The following CCNL1 variants were observed in gnomAD, a reference collection of about 807,000 sequenced individuals.
The protein encoded by CCNL1 is cyclin L1, also known as cyclin-L1.
A neutral mutation model predicts 60.6 loss-of-function variants in CCNL1; 13 were observed. That is an observed-to-expected ratio of 0.21 (90% CI 0.14 to 0.34). The LOEUF (loss-of-function observed/expected upper bound fraction) is 0.34. Ranked by LOEUF, CCNL1 falls within the 10% of genes least tolerant of loss-of-function variation. CCNL1 has a pLI of 1.00. For synonymous variants in CCNL1, 270 were observed against 244.3 expected (o/e 1.10, Z -0.98); for missense variants, 481 against 664.3 (o/e 0.72, Z 3.03).
Position 157,148,559 on chromosome 3 carries a change from T to C in CCNL1, c.1263A>G (p.Thr421=). 2 of 1,612,486 alleles carry C rather than the reference T, an allele frequency of 1.2e-6. No homozygotes were observed. The highest frequency in any genetic ancestry group is 1.7e-6 in the Non-Finnish European group (2 of 1,179,352). ...ACCTGCTTCTTGATCTCGAGCTGTA[T>C]GTTCCAGATCGACTCCGCCTATTAT... ...HYNNRRSRSG[T]YSSRSRSRSR... Residue 421 remains threonine, a synonymous_variant, in exon 11 of 11, where the codon ACA becomes ACG. Coordinates refer to ENST00000295926, the MANE Select transcript of CCNL1 (RefSeq NM_020307.4).
chr3:157,148,229 A>AG lies in CCNL1; in HGVS notation c.*11dup. On this transcript the variant is annotated 3_prime_UTR_variant, in exon 11 of 11. Transcript: ENST00000295926. ...AAACCAAGAACTGATGCAGGCTCAA[A>AG]GGAAGAGAAAGTCAGCGCCTGTGCC... is the stretch of plus-strand genomic sequence containing the variant. 1 of 1,607,736 alleles carries AG rather than the reference A, an allele frequency of 6.2e-7. No individual in the cohort carries two copies. The highest frequency in any genetic ancestry group is 1.1e-5 in the South Asian group (1 of 90,550).
chr3:157,148,554 C>CT lies in CCNL1; in HGVS notation c.1267dup (p.Ser423LysfsTer13). The CT allele has an allele frequency of 6.2e-7, 1 of 1,613,294 alleles. No individual in the cohort carries two copies. The highest frequency in any genetic ancestry group is 8.5e-7 in the Non-Finnish European group (1 of 1,179,734). The stretch of plus-strand genomic sequence containing the variant: ...GCGGGACCTGCTTCTTGATCTCGAG[C>CT]TGTATGTTCCAGATCGACTCCGCCT... On this transcript the variant is annotated frameshift_variant, in exon 11 of 11. Transcript: ENST00000295926. LOFTEE classifies it high-confidence loss of function.
At position 157,159,413 on chromosome 3, in the gene CCNL1, T is replaced by C. The variant is rs144436389; in HGVS notation, c.370A>G (p.Ser124Gly). The change falls in exon 2 of 11, where the codon AGT becomes GGT. Residue 124 changes from serine to glycine, a missense_variant. By Grantham distance (56) the Ser-to-Gly change is moderately conservative (BLOSUM62 0). Transcript: ENST00000295926. ...GCCTCCGCTGTGCTTACCTCGAAAC[T>C]GTGTTTGACGAAAGATTTGGAGTAG... is the stretch of plus-strand genomic sequence containing the variant. The part of the protein sequence containing the change: ...FFYSKSFVKH[S>G]FEIVAMACIN... 11 of 1,613,946 alleles carry C rather than the reference T, an allele frequency of 6.8e-6. No individual in the cohort carries two copies. Among genetic ancestry groups the C allele is most frequent in the Admixed American group, 1.7e-5 (1 of 60,006 alleles).
chr3:157,153,673 T>G (rs996426069), intron 3 of CCNL1: 2 of 152,742 alleles, frequency 1.3e-5, no homozygotes, highest in Admixed American at 1.3e-4. Context: ...AAAGTGCTCC[T>G]AAGATTTACA....
rs1738501251 is a variant in CCNL1, at chr3:157,154,939, T to C, written c.489-1783A>G. 2.0e-5 allele frequency among the ~76,000 whole-genome samples: 3 copies of C among 149,076 alleles called. No homozygotes were observed. The South Asian group carries it at 6.3e-4, about 31-fold the overall frequency. On this transcript the variant is annotated intron_variant, in intron 3 of 10. Coordinates refer to ENST00000295926, the MANE Select transcript of CCNL1 (RefSeq NM_020307.4). ...CTATCTCTCTCTCCATATATATACA[T>C]ACATACATACATACATACATACATA...
At chr3:157,150,617 A>G (rs1258533270) in intron 5 of CCNL1, 11 of 1,205,876 alleles carry the variant, frequency 9.1e-6, no homozygotes, top group Non-Finnish European at 1.1e-5. Flanking sequence ...AAATTATTTC[A>G]TATTACAATC....
downstream of CCNL1, chr3:157,146,373 C>A: frequency 1.5e-5 from 4 of 266,172 alleles, no homozygotes; most frequent in Non-Finnish European, 3.0e-5. Context: ...CCCACAAAGC[C>A]ACCTCTAAAA....
intron 3 of CCNL1, chr3:157,154,288 T>A (rs1738420278): frequency 6.6e-6 from 1 of 152,234 alleles, no homozygotes; most frequent in Admixed American, 6.5e-5. Flanking sequence ...GTTGGTCATG[T>A]CTGAAATTTA....
chr3:157,148,683 A>G (rs112429746), intron 10 of CCNL1, 94 bp from the exon 11 acceptor site: 11 of 1,104,770 alleles, frequency 1.0e-5, no homozygotes, highest in Non-Finnish European at 1.3e-5. Context: ...CAAAACTACC[A>G]GCTACATAAA....
At chr3:157,145,544 G>A (rs1358553209), downstream of CCNL1, among the ~76,000 whole-genome samples, 2 of 149,184 alleles carry the variant, frequency 1.3e-5, no homozygotes, top group Non-Finnish European at 3.0e-5. Flanking sequence ...TTTCATTGCT[G>A]TAATGGGCCA....
chr3:157,159,278 G>A (rs1188390515), intron 2 of CCNL1, 127 bp downstream of exon 2: 2 of 803,832 alleles, frequency 2.5e-6, no homozygotes, highest in African/African-American at 3.5e-5. Context: ...TTCCTGGCGA[G>A]TGAGAAGTAG....
Position 157,150,266 on chromosome 3 carries a change from G to C in CCNL1, c.774+16C>G. On this transcript the variant is annotated intron_variant, in intron 6 of 10. Transcript: ENST00000295926. ...GTGATTTATCCTACAGAACAAAATG[G>C]GAAATATACACCTACCTGAAGTGCT... The C allele has an allele frequency of 6.2e-7, 1 of 1,612,868 alleles. No individual in the cohort carries two copies. The highest frequency in any genetic ancestry group is 8.5e-7 in the Non-Finnish European group (1 of 1,179,202).
At chr3:157,147,375 C>A (rs1164566812), downstream of CCNL1, among the ~76,000 whole-genome samples, 1 of 152,130 alleles carries the variant, frequency 6.6e-6, no homozygotes, top group African/African-American at 2.4e-5. Context: ...AGTTCAGGGG[C>A]CTCACATTTT....
At chr3:157,149,742 C>T in intron 8 of CCNL1, 94 bp downstream of exon 8, 3 of 1,509,250 alleles carry the variant, frequency 2.0e-6, no homozygotes, top group Non-Finnish European at 2.7e-6. Context: ...TTCCTAACAT[C>T]ATTTTTCTCT....
At chr3:157,159,560 C>G (rs1376484617) in intron 1 of CCNL1, 81 bp from the exon 2 acceptor site, 2 of 1,346,340 alleles carry the variant, frequency 1.5e-6, no homozygotes, top group African/African-American at 1.5e-5. Context: ...TGCCGCCGAT[C>G]GCTTCCCTTT....
chr3:157,157,593 T>A (rs1263932376), intron 3 of CCNL1, among the ~76,000 whole-genome samples: 3 of 152,170 alleles, frequency 2.0e-5, no homozygotes, highest in Non-Finnish European at 4.4e-5. Context: ...CCTCAGACCA[T>A]ACCAAAGACC....
intron 2 of CCNL1, chr3:157,159,195 GA>G (rs1465192759): frequency 3.1e-6 from 2 of 638,132 alleles, no homozygotes; most frequent in Non-Finnish European, 5.5e-6. Flanking sequence ...GCATTTGGTT[GA>G]AAACTGTACT....
intron 3 of CCNL1, chr3:157,158,562 C>T (rs1190805128): frequency 4.9e-6 from 1 of 205,914 alleles, no homozygotes; most frequent in Non-Finnish European, 9.9e-6. Flanking sequence ...ACAGAATACA[C>T]TCACACTTGA....
chr3:157,149,774 G>C (rs774020996), intron 8 of CCNL1, 62 bp downstream of exon 8: 3 of 1,563,454 alleles, frequency 1.9e-6, no homozygotes. Flanking sequence ...AAATGTAAAA[G>C]CTCTCTAATA....
Sources: allele counts gnomAD v4.1 joint callset (sites outside exome capture counted in the v4.1 genomes callset), GRCh38; gene constraint gnomAD v4.1.1; transcripts MANE v1.5; gene names NCBI Gene and HGNC (gene_info 2026-07-23, HGNC 2026-07-21).